SIRT4: variants seen among roughly 807,000 people sequenced by gnomAD.
SIRT4 encodes the protein NAD-dependent protein lipoamidase sirtuin-4, mitochondrial.
In SIRT4, 23 loss-of-function variants were observed where a neutral mutation model predicts 26.1. That is an observed-to-expected ratio of 0.88 (90% CI 0.63 to 1.25). The LOEUF (loss-of-function observed/expected upper bound fraction) is 1.25, where lower values mean the gene tolerates loss of function less well. SIRT4 is among the 50% of genes most tolerant of loss of function. The probability of loss-of-function intolerance (pLI) is 0.00; values close to 1 mark genes in which losing one functional copy is unlikely to be tolerated. For synonymous variants in SIRT4, 155 were observed against 158.4 expected, an observed-to-expected ratio of 0.98 and a Z score of 0.16; for missense variants, 361 against 405.4, an observed-to-expected ratio of 0.89 and a Z score of 0.94.
the SIRT4 span, chr12:120,291,821 G>A: frequency 6.6e-6 from 1 of 152,168 alleles, no homozygotes; most frequent in Non-Finnish European, 1.5e-5. Flanking sequence ...CGTCATGGCG[G>A]GGTATTGGGA....
At chr12:120,304,827 A>ATT (rs1872682957) in intron 2 of SIRT4, among the ~76,000 whole-genome samples, 1 of 104,242 alleles carries the variant, frequency 9.6e-6, no homozygotes, top group Non-Finnish European at 1.8e-5. Flanking sequence ...ATATATATAT[A>ATT]TATATATATT....
At position 120,303,444 on chromosome 12, in the gene SIRT4, T is replaced by C. The variant is rs191605148; in HGVS notation, c.-1-117T>C. On this transcript the variant is annotated intron_variant, in intron 1 of 3. Transcript: ENST00000202967. ...GAGCCAAGATCATGCCACTGTACTC[T>C]AGCCTGGGCAACAGAGGGAGACTCT... The C allele has an allele frequency of 1.2e-3, 1,519 of 1,215,890 alleles. 29 individuals are homozygous for C. In the East Asian group the frequency reaches 0.03, roughly 24 times the overall value. The allele number at this position is 1,215,890 out of a possible 1,614,324, so 75.3% of individuals were successfully genotyped here.
chr12:120,299,740 A>G (rs1301427799), upstream of SIRT4, among the ~76,000 whole-genome samples: 1 of 152,122 alleles, frequency 6.6e-6, no homozygotes, highest in Non-Finnish European at 1.5e-5. Flanking sequence ...ACATTAAAGC[A>G]CAATCATATC....
intron 1 of SIRT4, 105 bp from the exon 2 acceptor site, chr12:120,303,456 C>A: frequency 7.5e-7 from 1 of 1,329,436 alleles, no homozygotes; most frequent in Non-Finnish European, 1.0e-6. Flanking sequence ...GCCTGGGCAA[C>A]AGAGGGAGAC....
chr12:120,292,770 G>A, the SIRT4 span, among the ~76,000 whole-genome samples: 1,213 of 150,006 alleles, frequency 8.1e-3, 15 homozygotes, highest in African/African-American at 0.028. Flanking sequence ...CCGAGATCAC[G>A]CCAGTGCACT....
chr12:120,308,713 G>A (rs1872842392), intron 2 of SIRT4, among the ~76,000 whole-genome samples: 1 of 152,074 alleles, frequency 6.6e-6, no homozygotes, highest in African/African-American at 2.4e-5. Context: ...GACACCAAAG[G>A]GGTTTATTAG....
chr12:120,297,658 A>C (rs1221457297), upstream of SIRT4, among the ~76,000 whole-genome samples: 1 of 152,216 alleles, frequency 6.6e-6, no homozygotes, highest in African/African-American at 2.4e-5. Flanking sequence ...TTTTCCTCAG[A>C]GCATGAGATT....
In SIRT4 at chr12:120,312,546, C is replaced by G; in HGVS notation, c.588C>G (p.Ala196=). Residue 196 remains alanine, a synonymous_variant, in exon 3 of 4, where the codon GCC becomes GCG. Transcript: ENST00000202967. Reference sequence around the variant, plus strand: ...TGAACCCCACCTGGAGTGCTGAGGCCCATGGCCTGGCTCCTGATGGTGACG... The same window carrying G: ...TGAACCCCACCTGGAGTGCTGAGGCGCATGGCCTGGCTCCTGATGGTGACG... ...QVLNPTWSAE[A]HGLAPDGDVF... 1 of 1,614,148 alleles carries G rather than the reference C, an allele frequency of 6.2e-7. No homozygotes were observed. Among genetic ancestry groups the G allele is most frequent in the Non-Finnish European group, 8.5e-7 (1 of 1,180,038 alleles).
At chr12:120,301,968 A>C (rs1872564701), upstream of SIRT4, among the ~76,000 whole-genome samples, 1 of 150,120 alleles carries the variant, frequency 6.7e-6, no homozygotes, top group South Asian at 2.1e-4. Flanking sequence ...GAATCGGTTG[A>C]ACCCGGGAGA....
chr12:120,298,391 G>A (rs1165134638), upstream of SIRT4, among the ~76,000 whole-genome samples: 1 of 151,790 alleles, frequency 6.6e-6, no homozygotes, highest in Non-Finnish European at 1.5e-5. Context: ...CCAGGAGTTC[G>A]AGACCAGCCT....
At chr12:120,299,649 C>G (rs1175369074), upstream of SIRT4, among the ~76,000 whole-genome samples, 1 of 152,040 alleles carries the variant, frequency 6.6e-6, no homozygotes, top group Non-Finnish European at 1.5e-5. Flanking sequence ...TCAGACTGGT[C>G]CAACACAGAA....
chr12:120,300,101 A>G (rs1872489728), upstream of SIRT4, among the ~76,000 whole-genome samples: 1 of 152,130 alleles, frequency 6.6e-6, no homozygotes. Flanking sequence ...CCTGAGCAAC[A>G]TAGTGAGACC....
the SIRT4 span, chr12:120,292,979 G>GA: frequency 2.6e-5 from 4 of 152,170 alleles, no homozygotes; most frequent in Admixed American, 2.6e-4. Flanking sequence ...CAGCTGGTAA[G>GA]ACACTTCCCC....
intron 1 of SIRT4, 29 bp from the exon 2 acceptor site, chr12:120,303,532 T>A: frequency 6.5e-7 from 1 of 1,544,696 alleles, no homozygotes; most frequent in Non-Finnish European, 8.7e-7. Flanking sequence ...ACCACCCCAG[T>A]TTCTCACATG....
At chr12:120,303,096 C>T (rs550121453) in intron 1 of SIRT4, among the ~76,000 whole-genome samples, 4 of 151,922 alleles carry the variant, frequency 2.6e-5, no homozygotes, top group African/African-American at 7.2e-5. Context: ...GCAGAGCTTG[C>T]AGTGGAGGGT....
the SIRT4 span, among the ~76,000 whole-genome samples, chr12:120,295,019 C>T: frequency 6.6e-6 from 1 of 151,134 alleles, no homozygotes; most frequent in African/African-American, 2.4e-5. Context: ...TTAGTAGAGA[C>T]AGGGTTTCAC....
In SIRT4 at chr12:120,303,681, C is replaced by CT; in HGVS notation, c.120_121insT (p.Pro41SerfsTer2). On this transcript the variant is annotated frameshift_variant, in exon 2 of 4. Transcript: ENST00000202967. LOFTEE classifies it high-confidence loss of function. ...TTGTGCCAGCAAGTCCTCCTCTGGACCCTGAGAAGGTCAAAGAGTTACAGC... is the reference window on the plus strand; with the variant it reads ...TTGTGCCAGCAAGTCCTCCTCTGGACTCCTGAGAAGGTCAAAGAGTTACAGC... 3 of 1,614,112 alleles carry CT rather than the reference C, an allele frequency of 1.9e-6. No homozygotes were observed. Among genetic ancestry groups the CT allele is most frequent in the Non-Finnish European group, 2.5e-6 (3 of 1,180,038 alleles).
chr12:120,293,362 A>T, the SIRT4 span: 2 of 152,144 alleles, frequency 1.3e-5, no homozygotes, highest in Non-Finnish European at 2.9e-5. Flanking sequence ...TCATAGAAAG[A>T]TGTTTGTGAC....
At chr12:120,294,599 G>A in the SIRT4 span, among the ~76,000 whole-genome samples, 2 of 152,068 alleles carry the variant, frequency 1.3e-5, no homozygotes, top group African/African-American at 4.8e-5. Flanking sequence ...CTGTCGCCCA[G>A]GCTGGAATGC....
Sources: allele counts gnomAD v4.1 joint callset (sites outside exome capture counted in the v4.1 genomes callset), GRCh38; gene constraint gnomAD v4.1.1; transcripts MANE v1.5; gene names NCBI Gene and HGNC (gene_info 2026-07-23, HGNC 2026-07-21).